Variants in PCNT observed in about 807,000 individuals in gnomAD.
PCNT encodes kendrin.
PCNT carries 319 observed loss-of-function variants against 380.4 expected under a neutral mutation model. The observed-to-expected ratio is 0.84, with a 90% confidence interval of 0.77 to 0.92. PCNT has a LOEUF of 0.92. Ranked by LOEUF, PCNT falls within the 40% of genes least tolerant of loss-of-function variation. PCNT has a pLI of 0.00. For missense variants in PCNT, 4,400 were observed against 4,255.3 expected (o/e 1.03, Z -0.95); for synonymous variants, 1,845 against 1,735.2 (o/e 1.06, Z -1.57).
intron 41 of PCNT, 103 bp downstream of exon 41, chr21:46,438,440 T>C (rs1434329122): frequency 2.0e-6 from 2 of 1,010,216 alleles, no homozygotes; most frequent in Non-Finnish European, 3.1e-6. Flanking sequence ...GACCTGGGGA[T>C]GTGGGCGTCA....
chr21:46,417,911 A>G (rs1471919411), intron 30 of PCNT, among the ~76,000 whole-genome samples: 3 of 152,222 alleles, frequency 2.0e-5, no homozygotes, highest in African/African-American at 7.2e-5. Flanking sequence ...TCAAAAAATA[A>G]TAATTTAGCA....
Position 46,367,117 on chromosome 21 carries a change from A to G in PCNT, c.3143A>G (p.His1048Arg). Residue 1048 changes from histidine (H) to arginine (R), a missense_variant, in exon 15 of 47, where the codon CAC (histidine) becomes CGC (arginine). Transcript: ENST00000359568. ...ACAGAGCTCGCCGGAACCGTGGCTC[A>G]CGAGCTGCAGGGAGTGCACCAGGTA... is the stretch of plus-strand genomic sequence containing the variant. ...VSTELAGTVA[H>R]ELQGVHQGEF... 1 of 1,613,044 alleles carries G rather than the reference A, an allele frequency of 6.2e-7. No homozygotes were observed. Among genetic ancestry groups the G allele is most frequent in the South Asian group, 1.1e-5 (1 of 91,066 alleles).
At chr21:46,426,503 G>C (rs553628670) in intron 33 of PCNT, among the ~76,000 whole-genome samples, 1 of 152,204 alleles carries the variant, frequency 6.6e-6, no homozygotes, top group Admixed American at 6.5e-5. Context: ...GTGAGCCTGC[G>C]GGGAGGCTGA....
Position 46,431,699 on chromosome 21 carries a change from G to A in PCNT, c.8235G>A (p.Lys2745=). Residue 2745 remains lysine (K), a synonymous_variant, in exon 38 of 47, where the codon AAG becomes AAA. Transcript: ENST00000359568. ...QERSQLSELQ[K]DLAAEKSRTL... The stretch of plus-strand genomic sequence containing the variant: ...GGAGCCAGCTCTCTGAGCTCCAGAA[G>A]GACCTTGCGGCTGAGAAGAGCCGCA... The A allele has an allele frequency of 6.2e-7, 1 of 1,612,502 alleles. No homozygotes were observed. Among genetic ancestry groups the A allele is most frequent in the Non-Finnish European group, 8.5e-7 (1 of 1,179,708 alleles).
chr21:46,425,807 T>C lies in PCNT; in HGVS notation c.7180-24T>C. On this transcript the variant is annotated intron_variant, in intron 32 of 46. Coordinates refer to ENST00000359568, the MANE Select transcript of PCNT (RefSeq NM_006031.6). This position sits in a 1 kb window ranked among gnomAD's most constrained non-coding sequence, Gnocchi z 4.2. ...CTGTGTGGGGTGGCAGGCAACTCCC[T>C]TCTGACGCGCTTTCCCGCCACAGGC... 6.2e-7 allele frequency: 1 copy of C among 1,612,532 alleles called. No individual in the cohort carries two copies. The highest frequency in any genetic ancestry group is 1.1e-5 in the South Asian group (1 of 91,052).
chr21:46,326,381 C>G lies in PCNT; in HGVS notation c.59C>G (p.Ala20Gly). 3 of 1,614,148 alleles carry G rather than the reference C, an allele frequency of 1.9e-6. No homozygotes were observed. Among genetic ancestry groups the G allele is most frequent in the Non-Finnish European group, 1.7e-6 (2 of 1,180,004 alleles). ...RKVEAGRTKL[A>G]HFRQRKTKGD... ...CTTATCTACATTTTTGCGCAGCTTG[C>G]TCACTTCCGACAGAGAAAAACAAAA... The change falls in exon 2 of 47, where the codon GCT becomes GGT. Residue 20 changes from alanine (A) to glycine (G), a missense_variant. Transcript: ENST00000359568.
chr21:46,343,886 G>A (rs750864517), intron 3 of PCNT, among the ~76,000 whole-genome samples: 1 of 152,046 alleles, frequency 6.6e-6, no homozygotes, highest in Non-Finnish European at 1.5e-5. Flanking sequence ...TCGCCTCCAG[G>A]TTTTCTAGTT....
chr21:46,334,009 A>G (rs2083644895), intron 2 of PCNT, among the ~76,000 whole-genome samples: 1 of 152,144 alleles, frequency 6.6e-6, no homozygotes, highest in African/African-American at 2.4e-5. Flanking sequence ...GATCAAGACC[A>G]TCTTGGCTAA....
chr21:46,418,313 T>C lies in PCNT; in HGVS notation c.7024+7T>C. On this transcript the variant is annotated splice_region_variant and intron_variant, in intron 31 of 46. Transcript: ENST00000359568. ...GCTGATAGAAGTGAGAAAAGTGAGTTGGTTATCTTTCATTTTTAATTTTTT... is the reference window on the plus strand; with the variant it reads ...GCTGATAGAAGTGAGAAAAGTGAGTCGGTTATCTTTCATTTTTAATTTTTT... 2 of 1,462,888 alleles carry C rather than the reference T, an allele frequency of 1.4e-6. No individual in the cohort carries two copies. Among genetic ancestry groups the C allele is most frequent in the Non-Finnish European group, 1.9e-6 (2 of 1,042,506 alleles). 90.6% of individuals were successfully genotyped at this position (1,462,888 alleles called of 1,614,324 possible).
At chr21:46,330,342 C>G (rs1471257398) in intron 2 of PCNT, among the ~76,000 whole-genome samples, 1 of 152,146 alleles carries the variant, frequency 6.6e-6, no homozygotes, top group East Asian at 1.9e-4. Flanking sequence ...TGGTCTCAAA[C>G]TCCTGTGCTC....
intron 12 of PCNT, 109 bp downstream of exon 12, chr21:46,355,735 G>A (rs1388409231): frequency 2.8e-6 from 3 of 1,088,150 alleles, no homozygotes; most frequent in South Asian, 1.3e-5. Context: ...AAGCAGCTGA[G>A]TGCTCCGACC....
intron 27 of PCNT, among the ~76,000 whole-genome samples, chr21:46,410,208 A>ATGGTGT (rs148593605): frequency 0.034 from 5,145 of 152,266 alleles, 145 homozygotes; most frequent in Middle Eastern, 0.082. Flanking sequence ...TGCTAAATGC[A>ATGGTGT]TGGTGTTGTT....
intron 15 of PCNT, among the ~76,000 whole-genome samples, chr21:46,368,251 C>T (rs917332672): frequency 6.6e-6 from 1 of 152,152 alleles, no homozygotes; most frequent in African/African-American, 2.4e-5. Context: ...CGAGACCATC[C>T]TGGCTAACAC....
chr21:46,350,749 C>T (rs920951943), intron 8 of PCNT, among the ~76,000 whole-genome samples: 1 of 152,248 alleles, frequency 6.6e-6, no homozygotes, highest in East Asian at 1.9e-4. Context: ...TCACTCCACA[C>T]CCCCAGTCTC....
At chr21:46,431,426 A>G in intron 37 of PCNT, 103 bp from the exon 38 acceptor site, 1 of 1,592,844 alleles carries the variant, frequency 6.3e-7, no homozygotes, top group Non-Finnish European at 8.6e-7. Flanking sequence ...TTCAAAAGGT[A>G]GAATTGCTGG....
At chr21:46,355,746 T>G in intron 12 of PCNT, 120 bp downstream of exon 12, 1 of 976,420 alleles carries the variant, frequency 1.0e-6, no homozygotes, top group South Asian at 1.4e-5. Context: ...TGCTCCGACC[T>G]CTTCTTCTGG....
At chr21:46,444,959 T>C in intron 46 of PCNT, 138 bp downstream of exon 46, 1 of 817,032 alleles carries the variant, frequency 1.2e-6, no homozygotes, top group Non-Finnish European at 2.1e-6. Context: ...CTAATAGTAT[T>C]AGAATAGAGG....
intron 1 of PCNT, 52 bp from the exon 2 acceptor site, chr21:46,326,324 TA>T (rs2083392707): frequency 6.4e-7 from 1 of 1,567,086 alleles, no homozygotes; most frequent in Admixed American, 1.7e-5. Context: ...GTGGTTCTGT[TA>T]TTTTTTTCTC....
intron 21 of PCNT, chr21:46,394,474 A>G (rs1326224112): frequency 7.2e-6 from 7 of 976,838 alleles, no homozygotes; most frequent in Non-Finnish European, 8.5e-6. Context: ...TTCTGTTTCC[A>G]CCTCAGTAAA....
Sources: allele counts gnomAD v4.1 joint callset (sites outside exome capture counted in the v4.1 genomes callset), GRCh38; gene constraint gnomAD v4.1.1; non-coding constraint Gnocchi (gnomAD v3.1); transcripts MANE v1.5; gene names NCBI Gene and HGNC (gene_info 2026-07-23, HGNC 2026-07-21).